The following AGBL1 variants were observed in gnomAD, a reference collection of about 807,000 sequenced individuals.
AGBL1 encodes the protein cytosolic carboxypeptidase 4.
In AGBL1, 130 loss-of-function variants were observed where a neutral mutation model predicts 118.9. The observed-to-expected ratio is 1.09, with a 90% CI of 0.95 to 1.26. AGBL1 has a LOEUF of 1.26. Ranked by LOEUF, AGBL1 falls within the 50% of genes most tolerant of loss-of-function variation. AGBL1 has a pLI of 0.00. For synonymous variants in AGBL1, 555 were observed against 478.9 expected (o/e 1.16, Z -2.08); for missense variants, 1,584 against 1,298.1 (o/e 1.22, Z -3.38).
At chr15:86,174,154 G>T (rs1226438229) in intron 5 of AGBL1, among the ~76,000 whole-genome samples, 1 of 152,014 alleles carries the variant, frequency 6.6e-6, no homozygotes, top group Non-Finnish European at 1.5e-5. Context: ...TTTCCTTCTA[G>T]AGGTCTTTCA....
In AGBL1 at chr15:86,269,997, T is replaced by C; in HGVS notation, c.1917T>C (p.Gly639=). The change falls in exon 14 of 23, where the codon GGT becomes GGC. Residue 639 remains glycine (G), a synonymous_variant. Coordinates refer to ENST00000614907, the MANE Select transcript of AGBL1 (RefSeq NM_001386094.1). ...AGTGGTTCTATTTCAAAGTGAGCGG[T>C]ATGCAGGCGGCCATCCCTTACCACT... ...HQQWFYFKVS[G]MQAAIPYHFN... The C allele has an allele frequency of 1.2e-6, 2 of 1,613,738 alleles. No individual in the cohort carries two copies. The highest frequency in any genetic ancestry group is 1.7e-6 in the Non-Finnish European group (2 of 1,179,790).
At chr15:86,284,189 AAT>A (rs1325013111) in intron 16 of AGBL1, among the ~76,000 whole-genome samples, 1 of 97,482 alleles carries the variant, frequency 1.0e-5, no homozygotes. Flanking sequence ...CTAAAATTAA[AAT>A]AAAAAAAAAA....
intron 21 of AGBL1, among the ~76,000 whole-genome samples, chr15:86,566,270 C>A (rs912633039): frequency 6.6e-6 from 1 of 152,172 alleles, no homozygotes; most frequent in Non-Finnish European, 1.5e-5. Context: ...CATCTTGGAA[C>A]CCTAATTTTT....
rs1181968882 is a variant in AGBL1 at position 86,325,682 on chromosome 15, G to A, written c.2374+30274G>A. Among the ~76,000 whole-genome samples, 5 of 152,122 alleles carry A rather than the reference G, an allele frequency of 3.3e-5. No individual in the cohort carries two copies. The East Asian group carries it at 7.7e-4, about 24-fold the overall frequency. On this transcript the variant is annotated intron_variant, in intron 17 of 22. Coordinates refer to ENST00000614907, the MANE Select transcript of AGBL1 (RefSeq NM_001386094.1). ...ATCTTCCATCCCCCTAGCAAGGTGA[G>A]CATCGAACAGTTAATCTCCCTTTCT...
chr15:86,692,086 T>C lies in AGBL1; in HGVS notation c.3158+17650T>C, dbSNP rs191265568. On this transcript the variant is annotated intron_variant, in intron 22 of 22. Coordinates refer to ENST00000614907, the MANE Select transcript of AGBL1 (RefSeq NM_001386094.1). ...TAAGGGTTGTAAAACTGACCTCCTT[T>C]GGAATGGTGTGAACCCGGGAGGCGG... Among the ~76,000 whole-genome samples the C allele has an allele frequency of 6.6e-5, 10 of 151,956 alleles. No individual in the cohort carries two copies. In the East Asian group the frequency reaches 1.6e-3, roughly 24 times the overall value.
intron 17 of AGBL1, among the ~76,000 whole-genome samples, chr15:86,366,293 G>T (rs2080886569): frequency 6.6e-6 from 1 of 152,100 alleles, no homozygotes; most frequent in Non-Finnish European, 1.5e-5. Flanking sequence ...GGCTAGAGAG[G>T]AACAAAGTAG....
At chr15:86,837,469 C>G (rs1037684016) in intron 22 of AGBL1, among the ~76,000 whole-genome samples, 1 of 152,120 alleles carries the variant, frequency 6.6e-6, no homozygotes, top group African/African-American at 2.4e-5. Context: ...CAGCCACAGC[C>G]TTTTGTTTAC....
At chr15:86,101,016 T>A (rs1896681806) in intron 1 of AGBL1, among the ~76,000 whole-genome samples, 2 of 152,150 alleles carry the variant, frequency 1.3e-5, no homozygotes, top group Admixed American at 6.5e-5. Context: ...TGCTATAAAC[T>A]TTTAGCACAA....
intron 22 of AGBL1, among the ~76,000 whole-genome samples, chr15:86,751,871 C>G (rs937949776): frequency 6.6e-6 from 1 of 151,932 alleles, no homozygotes; most frequent in Non-Finnish European, 1.5e-5. Flanking sequence ...ATGGTAAAGC[C>G]CTTTTAGGGA....
At chr15:86,942,806 T>C (rs2080770429) in intron 23 of AGBL1, among the ~76,000 whole-genome samples, 1 of 152,214 alleles carries the variant, frequency 6.6e-6, no homozygotes, top group Non-Finnish European at 1.5e-5. Flanking sequence ...TTTCTACTTA[T>C]AAGGAGGCTA....
At chr15:86,328,861 C>A (rs2080227516) in intron 17 of AGBL1, among the ~76,000 whole-genome samples, 1 of 152,172 alleles carries the variant, frequency 6.6e-6, no homozygotes, top group African/African-American at 2.4e-5. Flanking sequence ...GATTCAGGAC[C>A]AAGGACAGGA....
At chr15:86,383,314 G>A (rs1379260143) in intron 17 of AGBL1, among the ~76,000 whole-genome samples, 1 of 148,236 alleles carries the variant, frequency 6.7e-6, no homozygotes, top group Non-Finnish European at 1.5e-5. Flanking sequence ...TGGGCCGGGC[G>A]CAGTGGCTCA....
At chr15:86,862,097 T>C (rs1264999154) in intron 22 of AGBL1, among the ~76,000 whole-genome samples, 1 of 152,164 alleles carries the variant, frequency 6.6e-6, no homozygotes, top group Admixed American at 6.5e-5. Context: ...TTTATGAAAT[T>C]GGAATAACAA....
chr15:86,460,937 G>A (rs948258627), intron 18 of AGBL1, among the ~76,000 whole-genome samples: 3 of 152,146 alleles, frequency 2.0e-5, no homozygotes, highest in Non-Finnish European at 4.4e-5. Context: ...CGTTGAATTT[G>A]ACCCATGTGA....
chr15:86,385,486 C>A (rs1011889931), intron 17 of AGBL1, among the ~76,000 whole-genome samples: 2 of 152,184 alleles, frequency 1.3e-5, no homozygotes, highest in African/African-American at 4.8e-5. Context: ...GATTCACACA[C>A]ACTTTGAAGT....
At chr15:86,975,310 G>T (rs769547602) in intron 23 of AGBL1, among the ~76,000 whole-genome samples, 52 of 152,034 alleles carry the variant, frequency 3.4e-4, no homozygotes, top group Non-Finnish European at 6.2e-4. Flanking sequence ...TTCTTACGTG[G>T]TGGCAGGCAA....
intron 22 of AGBL1, among the ~76,000 whole-genome samples, chr15:86,693,685 A>G (rs766328431): frequency 6.6e-6 from 1 of 151,228 alleles, no homozygotes; most frequent in African/African-American, 2.4e-5. Flanking sequence ...CAATGCCTAG[A>G]GGGTCTTTTC....
chr15:86,738,409 C>T (rs183472050), intron 22 of AGBL1, among the ~76,000 whole-genome samples: 1 of 147,000 alleles, frequency 6.8e-6, no homozygotes, highest in African/African-American at 2.6e-5. Context: ...AAATAAAAGG[C>T]ATCCAAATTG....
intron 17 of AGBL1, among the ~76,000 whole-genome samples, chr15:86,336,745 T>A (rs1390095594): frequency 6.6e-6 from 1 of 152,164 alleles, no homozygotes; most frequent in East Asian, 1.9e-4. Flanking sequence ...TCCCACTAAA[T>A]CCCTTACAGA....
Sources: allele counts gnomAD v4.1 joint callset (sites outside exome capture counted in the v4.1 genomes callset), GRCh38; gene constraint gnomAD v4.1.1; transcripts MANE v1.5; gene names NCBI Gene and HGNC (gene_info 2026-07-23, HGNC 2026-07-21).